KARS1: variants seen among roughly 807,000 people sequenced by gnomAD.
KARS1 encodes the protein lysine--tRNA ligase.
In KARS1, 50 loss-of-function variants were observed where a neutral mutation model predicts 63.9. The ratio of observed to expected loss-of-function variants is 0.78; its 90% CI spans 0.62 to 0.99. The LOEUF is 0.99. KARS1 is among the 50% of genes least tolerant of loss of function. KARS1 has a pLI of 0.00. For synonymous variants in KARS1, 320 were observed against 264.6 expected (o/e 1.21, Z -2.03); for missense variants, 816 against 754.5 (o/e 1.08, Z -0.95).
chr16:75,634,378 C>G lies in KARS1; in HGVS notation c.796-86G>C. ...TGCTTTGCATGTAATATAGTCTAAG[C>G]CTGTTATACCCCAAACTAAATGTTA... On this transcript the variant is annotated intron_variant, in intron 6 of 13. Transcript: ENST00000302445. 2.2e-6 allele frequency: 3 copies of G among 1,336,196 alleles called. No homozygotes were observed. In the South Asian group the frequency reaches 3.6e-5, roughly 16 times the overall value. The allele number at this position is 1,336,196 out of a possible 1,614,324, so 82.8% of individuals were successfully genotyped here.
chr16:75,628,219 G>A (rs1172811027), intron 13 of KARS1, among the ~76,000 whole-genome samples: 2 of 152,208 alleles, frequency 1.3e-5, no homozygotes, highest in East Asian at 1.9e-4. Flanking sequence ...TCAAAAGGAT[G>A]AATAGACGCA....
chr16:75,639,258 C>G (rs1382920609), intron 3 of KARS1, among the ~76,000 whole-genome samples: 1 of 151,876 alleles, frequency 6.6e-6, no homozygotes, highest in Admixed American at 6.6e-5. Flanking sequence ...GAATACTGAA[C>G]TAGAATAACT....
chr16:75,644,305 T>TG, intron 1 of KARS1: 2 of 1,604,636 alleles, frequency 1.2e-6, no homozygotes, highest in Non-Finnish European at 1.7e-6. Flanking sequence ...GAAAATGACT[T>TG]GTCCTTGTGA....
chr16:75,628,920 T>A lies in KARS1; in HGVS notation c.1552-208A>T, dbSNP rs988971597. On this transcript the variant is annotated intron_variant, in intron 12 of 13. Transcript: ENST00000302445. ...GAGGTCAGGACTGATGAAATCGACC[T>A]CAGAACACATACAAATTTCTCTGAA... 3 of 612,376 alleles carry A rather than the reference T, an allele frequency of 4.9e-6. No individual in the cohort carries two copies. The African/African-American group carries it at 5.6e-5, about 11-fold the overall frequency. 37.9% of individuals were successfully genotyped at this position (612,376 alleles called of 1,614,324 possible). A position where few individuals can be genotyped will look rare whatever the true frequency, so the allele number is the denominator to read the frequency against.
Position 75,631,232 on chromosome 16 carries a change from T to C in KARS1, c.1274A>G (p.Asp425Gly). Residue 425 changes from aspartate (D) to glycine (G), a missense_variant, in exon 10 of 14, where the codon GAT becomes GGT. Coordinates refer to ENST00000302445, the MANE Select transcript of KARS1 (RefSeq NM_005548.3). ...ETEETRKILD[D>G]ICVAKAVECP... Reference sequence around the variant, plus strand: ...TTCAACAGCTTTTGCCACACAGATATCATCAAGAATTTTGCGAGTTTCTGG... The same window carrying C: ...TTCAACAGCTTTTGCCACACAGATACCATCAAGAATTTTGCGAGTTTCTGG... 2.5e-6 allele frequency: 4 copies of C among 1,614,040 alleles called. No homozygotes were observed. In the African/African-American group the frequency reaches 4.0e-5, roughly 16 times the overall value.
intron 1 of KARS1, among the ~76,000 whole-genome samples, chr16:75,645,867 G>C (rs921474384): frequency 7.4e-6 from 1 of 134,322 alleles, no homozygotes; most frequent in Non-Finnish European, 1.6e-5. Flanking sequence ...AAAAAAAAAA[G>C]TCAGTAAAGA....
chr16:75,642,875 G>A (rs1385425597), intron 1 of KARS1: 1 of 152,198 alleles, frequency 6.6e-6, no homozygotes, highest in Non-Finnish European at 1.5e-5. Context: ...CCCACCAGTT[G>A]TTATGGTGTG....
chr16:75,629,074 G>C (rs551078553), intron 12 of KARS1: 2 of 466,638 alleles, frequency 4.3e-6, no homozygotes, highest in South Asian at 4.2e-5. Flanking sequence ...CAGGCAGCCT[G>C]TGGGGGTTCT....
At chr16:75,636,155 G>A (rs2082159820) in intron 4 of KARS1, 57 bp from the exon 5 acceptor site, 1 of 1,071,576 alleles carries the variant, frequency 9.3e-7, no homozygotes, top group Non-Finnish European at 1.4e-6. Context: ...ACTGACCACT[G>A]GTCTCCTCTG....
intron 7 of KARS1, 57 bp from the exon 8 acceptor site, chr16:75,631,912 A>G: frequency 6.2e-7 from 1 of 1,600,276 alleles, no homozygotes; most frequent in Non-Finnish European, 8.5e-7. Flanking sequence ...TTTGAGATGG[A>G]GTTTTGCTCT....
intron 1 of KARS1, among the ~76,000 whole-genome samples, chr16:75,646,932 A>G (rs1162284181): frequency 6.6e-6 from 1 of 152,172 alleles, no homozygotes. Context: ...ACAGCCAGTT[A>G]AAGGGTGGCT....
At chr16:75,639,161 T>A (rs985641419) in intron 3 of KARS1, among the ~76,000 whole-genome samples, 48 of 151,128 alleles carry the variant, frequency 3.2e-4, no homozygotes, top group African/African-American at 1.1e-3. Context: ...AGAGCAAGAC[T>A]TCGCCTCAAA....
chr16:75,640,285 G>A lies in KARS1; in HGVS notation c.287C>T (p.Pro96Leu). The A allele has an allele frequency of 1.2e-6, 2 of 1,613,774 alleles. No homozygotes were observed. The highest frequency in any genetic ancestry group is 1.7e-6 in the Non-Finnish European group (2 of 1,179,868). The change falls in exon 3 of 14, where the codon CCA (proline) becomes CTA (leucine). Residue 96 changes from proline to leucine, a missense_variant. Coordinates refer to ENST00000302445, the MANE Select transcript of KARS1 (RefSeq NM_005548.3). Reference protein sequence around the residue: ...QLKVNGEDPYPHKFHVDISLT... With the variant: ...QLKVNGEDPYLHKFHVDISLT... ...TGAGATGTCTACATGGAACTTGTGTGGGTATGGGTCTTCCCCATTGACCTT... is the reference window on the plus strand; with the variant it reads ...TGAGATGTCTACATGGAACTTGTGTAGGTATGGGTCTTCCCCATTGACCTT...
intron 2 of KARS1, 43 bp from the exon 3 acceptor site, chr16:75,640,392 T>C: frequency 6.3e-7 from 1 of 1,597,690 alleles, no homozygotes; most frequent in Non-Finnish European, 8.5e-7. Context: ...AAGTTGAACC[T>C]GGTCAGACCA....
chr16:75,631,923 T>A, intron 7 of KARS1, 68 bp from the exon 8 acceptor site: 1 of 1,588,158 alleles, frequency 6.3e-7, no homozygotes, highest in African/African-American at 1.3e-5. Flanking sequence ...GTTTTGCTCT[T>A]GTTGCCTAGG....
At position 75,641,573 on chromosome 16, in the gene KARS1, C is replaced by T. The variant is rs1190679738; in HGVS notation, c.213G>A (p.Val71=). The T allele has an allele frequency of 1.2e-6, 2 of 1,613,436 alleles. No individual in the cohort carries two copies. The highest frequency in any genetic ancestry group is 1.1e-5 in the South Asian group (1 of 91,056). ...GGCCCAGGGAACTCACATTTGGGTCCACGCTCTCTTCCTCAGGACCCACAC... is the reference window on the plus strand; with the variant it reads ...GGCCCAGGGAACTCACATTTGGGTCTACGCTCTCTTCCTCAGGACCCACAC... The part of the protein sequence containing the change: ...DNGVGPEEES[V]DPNQYYKIRS... The change falls in exon 2 of 14, where the codon GTG becomes GTA. Residue 71 remains valine, a synonymous_variant. Transcript: ENST00000302445.
intron 6 of KARS1, 110 bp downstream of exon 6, chr16:75,635,570 A>G (rs539316963): frequency 6.6e-6 from 8 of 1,204,914 alleles, no homozygotes; most frequent in East Asian, 4.7e-5. Context: ...CATTCTCATT[A>G]GGCATGAAGG....
At chr16:75,629,149 G>A in intron 12 of KARS1, 2 of 512,190 alleles carry the variant, frequency 3.9e-6, no homozygotes, top group Non-Finnish European at 7.0e-6. Flanking sequence ...TACAATCTAA[G>A]AAAATAATGT....
intron 2 of KARS1, among the ~76,000 whole-genome samples, chr16:75,641,281 C>G (rs116318609): frequency 6.6e-4 from 100 of 152,280 alleles, no homozygotes; most frequent in African/African-American, 2.2e-3. Flanking sequence ...AAACCTCAGG[C>G]AATCTTTAGA....
Sources: gnomAD v4.1 joint callset for allele counts (sites outside exome capture counted in the v4.1 genomes callset) on GRCh38, gnomAD v4.1.1 for gene constraint, MANE v1.5 for transcripts, NCBI Gene and HGNC (gene_info 2026-07-23, HGNC 2026-07-21) for gene names.